Variants in NAV1 observed in about 807,000 individuals in gnomAD.
NAV1 encodes the protein neuron navigator 1.
A neutral mutation model predicts 175.2 loss-of-function variants in NAV1; 18 were observed. The ratio of observed to expected loss-of-function variants is 0.10; its 90% CI spans 0.07 to 0.15. The LOEUF (loss-of-function observed/expected upper bound fraction) is 0.15. NAV1 is among the 10% of genes least tolerant of loss of function. NAV1 has a pLI of 1.00. For missense variants in NAV1, 1,731 were observed against 2,436.6 expected (o/e 0.71, Z 6.10); for synonymous variants, 897 against 978.7 (o/e 0.92, Z 1.56).
intron 3 of NAV1, among the ~76,000 whole-genome samples, chr1:201,765,381 CTTTTTT>C (rs59583786): frequency 5.1e-5 from 5 of 98,598 alleles, no homozygotes; most frequent in African/African-American, 2.0e-4. Context: ...AGGAAATATT[CTTTTTT>C]TTTTTTTTTT....
At chr1:201,564,730 G>A (rs1030190726) in intron 1 of NAV1, among the ~76,000 whole-genome samples, 7 of 152,252 alleles carry the variant, frequency 4.6e-5, no homozygotes, top group Non-Finnish European at 1.5e-5. Flanking sequence ...TACAGCAGAA[G>A]TCTGACAGGG....
At chr1:201,713,829 G>T (rs1157983398) in intron 2 of NAV1, among the ~76,000 whole-genome samples, 4 of 152,196 alleles carry the variant, frequency 2.6e-5, no homozygotes, top group Non-Finnish European at 5.9e-5. Context: ...GGACACAGGG[G>T]CAGTGGAAAA....
At chr1:201,574,741 G>A (rs1442842227) in intron 1 of NAV1, among the ~76,000 whole-genome samples, 4 of 152,116 alleles carry the variant, frequency 2.6e-5, no homozygotes, top group Non-Finnish European at 4.4e-5. Context: ...CCACCATTGC[G>A]CCTCCTACCA....
At position 201,782,053 on chromosome 1, in the gene NAV1, T is replaced by C; in HGVS notation, c.1664-123T>C. 1 of 815,476 alleles carries C rather than the reference T, an allele frequency of 1.2e-6. No homozygotes were observed. Among genetic ancestry groups the C allele is most frequent in the Non-Finnish European group, 1.9e-6 (1 of 531,972 alleles). 50.5% of individuals were successfully genotyped at this position (815,476 alleles called of 1,614,324 possible). On this transcript the variant is annotated intron_variant, in intron 5 of 29. Coordinates refer to ENST00000367296, the Ensembl canonical transcript of NAV1. This position sits in a 1 kb window ranked among gnomAD's most constrained non-coding sequence, Gnocchi z 5.4. ...TATCTTGTACCTGTTTACCCAAATT[T>C]AGGCCTCTAAAAGTCTACAATACAT...
intron 1 of NAV1, among the ~76,000 whole-genome samples, chr1:201,703,105 C>A (rs1671510229): frequency 6.6e-6 from 1 of 152,230 alleles, no homozygotes; most frequent in Non-Finnish European, 1.5e-5. Flanking sequence ...GCAGATGGTT[C>A]TCTCTGCTGT....
intron 3 of NAV1, among the ~76,000 whole-genome samples, chr1:201,774,408 T>C (rs1358958231): frequency 6.6e-6 from 1 of 152,186 alleles, no homozygotes; most frequent in Non-Finnish European, 1.5e-5. Flanking sequence ...TCTAAAGACA[T>C]TCTATTCTTA....
At chr1:201,670,583 A>G (rs1571874950) in intron 1 of NAV1, among the ~76,000 whole-genome samples, 3 of 109,432 alleles carry the variant, frequency 2.7e-5, no homozygotes, top group East Asian at 4.1e-4. Flanking sequence ...TGATGGTTTG[A>G]TGATAGAGAT....
At chr1:201,606,017 G>A (rs974511811) in intron 2 of NAV1, among the ~76,000 whole-genome samples, 1 of 152,190 alleles carries the variant, frequency 6.6e-6, no homozygotes, top group African/African-American at 2.4e-5. Flanking sequence ...AGATTTCCAG[G>A]TGCGTGGGCT....
chr1:201,718,491 C>T lies in NAV1; in HGVS notation c.962C>T (p.Ser321Phe). The T allele has an allele frequency of 1.2e-6, 2 of 1,606,854 alleles. No homozygotes were observed. Among genetic ancestry groups the T allele is most frequent in the Non-Finnish European group, 1.7e-6 (2 of 1,175,102 alleles). Reference sequence around the variant, plus strand: ...CCTCTGTCATGGCGCTATGGCCAGTCCAGTCCGCGGCTGCAGGCTGGTGAC... The same window carrying T: ...CCTCTGTCATGGCGCTATGGCCAGTTCAGTCCGCGGCTGCAGGCTGGTGAC... Residue 321 changes from serine to phenylalanine, a missense_variant, in exon 3 of 30, where the codon TCC becomes TTC. Around this residue, in one of 13 missense-constraint regions of NAV1, gnomAD observed 487 missense variants for 581.3 expected, o/e 0.84. Transcript: ENST00000367296. The surrounding 1 kb of genome is among the most constrained non-coding windows in gnomAD (Gnocchi z 4.8).
intron 1 of NAV1, among the ~76,000 whole-genome samples, chr1:201,563,659 G>T (rs909751407): frequency 5.6e-4 from 86 of 152,236 alleles, no homozygotes; most frequent in African/African-American, 1.9e-3. Flanking sequence ...CAAAATGAGG[G>T]CATGGATCCC....
intron 3 of NAV1, 71 bp from the exon 8 acceptor site, chr1:201,780,350 C>A: frequency 6.3e-7 from 1 of 1,581,118 alleles, no homozygotes; most frequent in South Asian, 1.1e-5. Context: ...ATTCTTGCAT[C>A]AATGTGAAAC....
chr1:201,670,940 C>CA (rs1366227093), intron 1 of NAV1, among the ~76,000 whole-genome samples: 1 of 152,038 alleles, frequency 6.6e-6, no homozygotes, highest in East Asian at 1.9e-4. Flanking sequence ...GAGATGACGG[C>CA]AATGGTTTTG....
At chr1:201,697,928 C>G (rs1440658762) in intron 1 of NAV1, among the ~76,000 whole-genome samples, 1 of 152,210 alleles carries the variant, frequency 6.6e-6, no homozygotes, top group Non-Finnish European at 1.5e-5. Flanking sequence ...AACAGCTCAG[C>G]TGTTATTTCA....
At chr1:201,564,639 A>G (rs1267991313) in intron 1 of NAV1, among the ~76,000 whole-genome samples, 7 of 152,208 alleles carry the variant, frequency 4.6e-5, no homozygotes, top group Non-Finnish European at 7.3e-5. Flanking sequence ...ATAAATAAAT[A>G]GGAATTGATT....
chr1:201,768,239 GA>G (rs1276251308), intron 3 of NAV1, among the ~76,000 whole-genome samples: 1 of 150,182 alleles, frequency 6.7e-6, no homozygotes, highest in Non-Finnish European at 1.5e-5. Context: ...TGAGGCAGGA[GA>G]ATCACTTGAA....
intron 15 of NAV1, 108 bp from the exon 20 acceptor site, chr1:201,803,485 G>A: frequency 9.2e-7 from 1 of 1,084,290 alleles, no homozygotes. Flanking sequence ...ATGTGATTGA[G>A]GAGTTGGTTG....
chr1:201,643,340 C>T (rs1558032404), upstream of NAV1, among the ~76,000 whole-genome samples: 1 of 81,548 alleles, frequency 1.2e-5, no homozygotes, highest in African/African-American at 4.2e-5. Flanking sequence ...TCCCTCTCTT[C>T]TTTCTTTCTT....
At chr1:201,637,928 A>T (rs1668652846) in intron 2 of NAV1, among the ~76,000 whole-genome samples, 1 of 152,240 alleles carries the variant, frequency 6.6e-6, no homozygotes, top group Non-Finnish European at 1.5e-5. Context: ...CCATGGCAAC[A>T]TACAGGAAAA....
At chr1:201,566,690 G>T (rs1255718771) in intron 1 of NAV1, among the ~76,000 whole-genome samples, 1 of 151,868 alleles carries the variant, frequency 6.6e-6, no homozygotes, top group African/African-American at 2.4e-5. Flanking sequence ...AACTAGTGTT[G>T]TTTTTTTCTT....
Sources: gnomAD v4.1 joint callset for allele counts (sites outside exome capture counted in the v4.1 genomes callset) on GRCh38, gnomAD v4.1.1 for gene constraint, gnomAD v4.1.1 regional missense constraint, Gnocchi (gnomAD v3.1) non-coding constraint, MANE v1.5 for transcripts, NCBI Gene and HGNC (gene_info 2026-07-23, HGNC 2026-07-21) for gene names.